The following METRNL variants were observed in gnomAD, a reference collection of about 807,000 sequenced individuals.
The protein encoded by METRNL is meteorin-like protein.
A neutral mutation model predicts 17.4 loss-of-function variants in METRNL; 9 were observed. The ratio of observed to expected loss-of-function variants is 0.52; its 90% CI spans 0.31 to 0.90. METRNL has a LOEUF of 0.90. METRNL is among the 40% of genes least tolerant of loss of function. The pLI is 0.05. For synonymous variants in METRNL, 215 were observed against 199.3 expected, an observed-to-expected ratio of 1.08 and a Z score of -0.66; for missense variants, 408 against 430.7, an observed-to-expected ratio of 0.95 and a Z score of 0.47.
In METRNL at chr17:83,094,385, A is replaced by G. The variant is rs142120953; in HGVS notation, c.746A>G (p.His249Arg). The stretch of plus-strand genomic sequence containing the variant: ...GAGCCGGTGCCCGAGGGTGACGGCC[A>G]CTGGCAGGGGCGCGTCAGGACGCTG... ...VFEPVPEGDG[H>R]WQGRVRTLLE... The change falls in exon 4 of 4, where the codon CAC becomes CGC. Residue 249 changes from histidine to arginine, a missense_variant. His to Arg is a conservative substitution (Grantham distance 29). Transcript: ENST00000320095. 14,308 of 1,610,748 alleles carry G rather than the reference A, an allele frequency of 8.9e-3. 95 individuals are homozygous for G. The highest frequency in any genetic ancestry group is 0.011 in the Non-Finnish European group (12,566 of 1,178,458).
rs1262731653 is a variant in METRNL at position 83,079,699 on chromosome 17, C to T, written c.-117C>T. On this transcript the variant is annotated 5_prime_UTR_variant, in exon 1 of 4. Transcript: ENST00000320095. ...GCGGCCGCGCGGAGGACGCGGGGGG[C>T]GCGCGACGTGACCACCCGGACTCGA... The T allele has an allele frequency of 1.7e-5, 5 of 296,818 alleles. No individual in the cohort carries two copies. Among genetic ancestry groups the T allele is most frequent in the African/African-American group, 6.9e-5 (3 of 43,266 alleles). The allele number at this position is 296,818 out of a possible 1,614,324, so 18.4% of individuals were successfully genotyped here. A position where few individuals can be genotyped will look rare whatever the true frequency, so the allele number is the denominator to read the frequency against.
intron 2 of METRNL, among the ~76,000 whole-genome samples, chr17:83,088,943 C>G (rs1324348510): frequency 6.6e-6 from 1 of 152,146 alleles, no homozygotes; most frequent in Non-Finnish European, 1.5e-5. Flanking sequence ...TGGCTTCCTG[C>G]TTGGTGCCTT....
chr17:83,084,670 T>A (rs2038028342), intron 1 of METRNL: 1 of 531,008 alleles, frequency 1.9e-6, no homozygotes, highest in African/African-American at 1.9e-5. Flanking sequence ...AAGCACCGCC[T>A]GCACTCCCGG....
At chr17:83,082,487 C>A (rs2038001312) in intron 1 of METRNL, among the ~76,000 whole-genome samples, 1 of 152,232 alleles carries the variant, frequency 6.6e-6, no homozygotes, top group Non-Finnish European at 1.5e-5. Flanking sequence ...TGTATCTGTT[C>A]AGTCTGTTGA....
chr17:83,085,422 A>G, intron 2 of METRNL, 99 bp downstream of exon 2: 1 of 1,422,680 alleles, frequency 7.0e-7, no homozygotes, highest in South Asian at 1.4e-5. Flanking sequence ...TCGTCTGCTC[A>G]GCCTTGGTGA....
At chr17:83,081,068 A>T (rs2037980586) in intron 1 of METRNL, among the ~76,000 whole-genome samples, 1 of 151,058 alleles carries the variant, frequency 6.6e-6, no homozygotes, top group South Asian at 2.1e-4. Context: ...TCCCCGGGGG[A>T]AGGGGCGTGG....
chr17:83,094,173 A>T, intron 3 of METRNL, 83 bp from the exon 4 acceptor site: 2 of 1,207,850 alleles, frequency 1.7e-6, no homozygotes, highest in Admixed American at 2.5e-5. Context: ...GTGCCCATCG[A>T]TGCGGGGGCA....
chr17:83,086,985 G>A (rs1027213135), intron 2 of METRNL, among the ~76,000 whole-genome samples: 3 of 152,320 alleles, frequency 2.0e-5, no homozygotes, highest in South Asian at 2.1e-4. Context: ...AGAGGCATGG[G>A]ATGGTAGGGG....
At chr17:83,087,490 G>A (rs1322581542) in intron 2 of METRNL, among the ~76,000 whole-genome samples, 1 of 152,164 alleles carries the variant, frequency 6.6e-6, no homozygotes, top group Non-Finnish European at 1.5e-5. Flanking sequence ...CTATCCTGAT[G>A]GGGTGGAGGG....
At chr17:83,092,974 C>T (rs2038157763) in intron 2 of METRNL, among the ~76,000 whole-genome samples, 193 bp from the exon 3 acceptor site, 1 of 152,182 alleles carries the variant, frequency 6.6e-6, no homozygotes, top group South Asian at 2.1e-4. Context: ...TGTTTTCTGT[C>T]TCCCGTGCTG....
chr17:83,086,763 TCCCTGCCACGCAC>T (rs2038057485), intron 2 of METRNL, among the ~76,000 whole-genome samples: 1 of 152,122 alleles, frequency 6.6e-6, no homozygotes, highest in Admixed American at 6.5e-5. Context: ...GTGTAGTCCG[TCCCTGCCACGCAC>T]ACCTGGACGT....
Position 83,094,742 on chromosome 17 carries a change from A to G in METRNL, c.*167A>G. 2.3e-6 allele frequency: 1 copy of G among 442,386 alleles called. No individual in the cohort carries two copies. The highest frequency in any genetic ancestry group is 3.8e-6 in the Non-Finnish European group (1 of 265,684). 27.4% of individuals were successfully genotyped at this position (442,386 alleles called of 1,614,324 possible). On this transcript the variant is annotated 3_prime_UTR_variant, in exon 4 of 4. Transcript: ENST00000320095. ...GGACGTTCTCGCCACACTCAACCCC[A>G]TGAGCTTCCAGCCAAGGATGCCCTG...
At chr17:83,090,038 C>G (rs556200155) in intron 2 of METRNL, among the ~76,000 whole-genome samples, 2 of 151,998 alleles carry the variant, frequency 1.3e-5, no homozygotes, top group Non-Finnish European at 2.9e-5. Flanking sequence ...TCACAGAGGG[C>G]GAAGTGCTAG....
In METRNL at chr17:83,091,716, C is replaced by T. The variant is rs573955376; in HGVS notation, c.557-1451C>T. Among the ~76,000 whole-genome samples, 6 of 152,276 alleles carry T rather than the reference C, an allele frequency of 3.9e-5. No individual in the cohort carries two copies. In the East Asian group the frequency reaches 7.7e-4, roughly 20 times the overall value. ...CGGCGTTAGCTTCTTCCAGGGCCGG[C>T]GAACCCCAAGTCAAGGTCGTCCCAG... is the stretch of plus-strand genomic sequence containing the variant. On this transcript the variant is annotated intron_variant, in intron 2 of 3. Coordinates refer to ENST00000320095, the MANE Select transcript of METRNL (RefSeq NM_001004431.3).
At chr17:83,093,757 T>C (rs572162443) in intron 3 of METRNL, among the ~76,000 whole-genome samples, 21 of 152,276 alleles carry the variant, frequency 1.4e-4, no homozygotes, top group African/African-American at 5.1e-4. Flanking sequence ...TCCCGTCGTG[T>C]GGTGCCGTGG....
chr17:83,087,982 G>A (rs2038072257), intron 2 of METRNL, among the ~76,000 whole-genome samples: 1 of 152,204 alleles, frequency 6.6e-6, no homozygotes, highest in Non-Finnish European at 1.5e-5. Context: ...TTTCGTTGGT[G>A]TGATCGTGGT....
Position 83,079,944 on chromosome 17 carries a change from G to T in METRNL, c.129G>T (p.Ala43=). The T allele has an allele frequency of 9.9e-7, 1 of 1,013,560 alleles. No homozygotes were observed. Among genetic ancestry groups the T allele is most frequent in the Non-Finnish European group, 1.2e-6 (1 of 849,950 alleles). The allele number at this position is 1,013,560 out of a possible 1,614,324, so 62.8% of individuals were successfully genotyped here. A position where few individuals can be genotyped will look rare whatever the true frequency, so the allele number is the denominator to read the frequency against. ...LLLLAGLLGG[A]GAQYSSDRCS... is the part of the protein sequence containing the mutation. ...TCCTGGCCGGGCTGCTGGGCGGCGC[G>T]GGCGCGCAGTACTCCAGCGACCGGT... The change falls in exon 1 of 4, where the codon GCG becomes GCT. Residue 43 remains alanine, a synonymous_variant. Transcript: ENST00000320095.
chr17:83,089,924 C>T (rs931228305), intron 2 of METRNL, among the ~76,000 whole-genome samples: 3 of 152,042 alleles, frequency 2.0e-5, no homozygotes, highest in Non-Finnish European at 4.4e-5. Context: ...CGGCCCCACA[C>T]CCCTGCCGTC....
rs187208379 is a variant in METRNL, at chr17:83,095,026, G to A, written c.*451G>A. ...CGGAAGTTTTGGAGCCAAATAATAC[G>A]TTTTTTATTTTCATTTTATTTTTAA... On this transcript the variant is annotated 3_prime_UTR_variant, in exon 4 of 4. Transcript: ENST00000320095. 7.3e-4 allele frequency: 120 copies of A among 164,872 alleles called. No individual in the cohort carries two copies. The highest frequency in any genetic ancestry group is 5.9e-3 in the South Asian group (29 of 4,952). The allele number at this position is 164,872 out of a possible 1,614,324, so 10.2% of individuals were successfully genotyped here. A position where few individuals can be genotyped will look rare whatever the true frequency, so the allele number is the denominator to read the frequency against.
Sources: gnomAD v4.1 joint callset for allele counts (sites outside exome capture counted in the v4.1 genomes callset) on GRCh38, gnomAD v4.1.1 for gene constraint, MANE v1.5 for transcripts, NCBI Gene and HGNC (gene_info 2026-07-23, HGNC 2026-07-21) for gene names.